Variants in PTPRF observed in about 807,000 individuals in gnomAD.
PTPRF encodes the protein protein tyrosine phosphatase receptor type F.
A neutral mutation model predicts 201.8 loss-of-function variants in PTPRF; 59 were observed. The observed-to-expected ratio is 0.29, with a 90% CI of 0.24 to 0.36. PTPRF has a LOEUF of 0.36. PTPRF is among the 10% of genes least tolerant of loss of function. The pLI is 1.00. For missense variants in PTPRF, 2,132 were observed against 2,690.5 expected (o/e 0.79, Z 4.59); for synonymous variants, 1,088 against 1,089.7 (o/e 1.00, Z 0.03).
intron 27 of PTPRF, 25 bp from the exon 28 acceptor site, chr1:43,619,263 C>T (rs1658612502): frequency 6.2e-7 from 1 of 1,611,282 alleles, no homozygotes; most frequent in East Asian, 2.2e-5. Flanking sequence ...GCGCCTGTGC[C>T]TCAAGCTGAG....
chr1:43,563,732 G>A (rs1456826615), intron 5 of PTPRF, among the ~76,000 whole-genome samples: 1 of 152,206 alleles, frequency 6.6e-6, no homozygotes, highest in African/African-American at 2.4e-5. Flanking sequence ...GCTGAGAAGT[G>A]AGAGGGAGGC....
At chr1:43,551,030 G>T (rs2819338) in intron 3 of PTPRF, among the ~76,000 whole-genome samples, 148,486 of 152,238 alleles carry the variant, frequency 0.98, 72,529 homozygotes, top group Middle Eastern at 1. Flanking sequence ...ACAGGTGTTT[G>T]GAGAGTGATT....
rs373321951 is a variant in PTPRF, at chr1:43,617,054, A to AT, written c.4072-390dup. Among the ~76,000 whole-genome samples, 404 of 152,046 alleles carry AT rather than the reference A, an allele frequency of 2.7e-3. 4 individuals are homozygous for AT. The highest frequency in any genetic ancestry group is 9.5e-3 in the African/African-American group (394 of 41,458). Reference sequence around the variant, plus strand: ...TGTCCTGGCTCATTTCATTAGGTGAATGCAGGGCTTCGGGAGGGACTCTGG... The same window carrying AT: ...TGTCCTGGCTCATTTCATTAGGTGAATTGCAGGGCTTCGGGAGGGACTCTGG... On this transcript the variant is annotated intron_variant, in intron 23 of 33. Transcript: ENST00000359947.
intron 3 of PTPRF, among the ~76,000 whole-genome samples, chr1:43,545,743 A>C (rs74071962): frequency 0.051 from 7,771 of 152,076 alleles, 659 homozygotes; most frequent in African/African-American, 0.18. Flanking sequence ...AGCTCCTCAG[A>C]CCTGGAAATG....
rs763830825 is a variant in PTPRF, at chr1:43,590,968, C to G, written c.950-4C>G. On this transcript the variant is annotated splice_polypyrimidine_tract_variant and splice_region_variant and intron_variant, in intron 8 of 33. Coordinates refer to ENST00000359947, the MANE Select transcript of PTPRF (RefSeq NM_002840.5). ...CAGCTTTGAGCCTTCCACTTTGTCT[C>G]CAGCTCTTCCAAAGCCTCCGATTGA... 2 of 1,601,208 alleles carry G rather than the reference C, an allele frequency of 1.2e-6. No individual in the cohort carries two copies. Among genetic ancestry groups the G allele is most frequent in the Non-Finnish European group, 1.7e-6 (2 of 1,170,094 alleles).
chr1:43,589,702 A>G (rs1422848810), intron 8 of PTPRF, among the ~76,000 whole-genome samples: 9 of 149,868 alleles, frequency 6.0e-5, no homozygotes, highest in Non-Finnish European at 1.2e-4. Context: ...TACGAAAAAA[A>G]AAAAAAAAAA....
upstream of PTPRF, among the ~76,000 whole-genome samples, chr1:43,525,486 G>C (rs889393326): frequency 1.3e-5 from 2 of 152,126 alleles, no homozygotes; most frequent in Non-Finnish European, 2.9e-5. Context: ...TTGGCAAAAT[G>C]GAGGGGAAGA....
upstream of PTPRF, among the ~76,000 whole-genome samples, chr1:43,527,186 C>G (rs1366933390): frequency 6.6e-6 from 1 of 152,174 alleles, no homozygotes; most frequent in African/African-American, 2.4e-5. Flanking sequence ...CACCCTGCAC[C>G]CTGGGGCTGG....
intron 6 of PTPRF, among the ~76,000 whole-genome samples, chr1:43,573,669 G>A (rs1646724130): frequency 6.6e-6 from 1 of 152,228 alleles, no homozygotes; most frequent in Non-Finnish European, 1.5e-5. Flanking sequence ...GCACCTCTTG[G>A]ACACGAATAC....
Position 43,537,358 on chromosome 1 carries a change from T to G in PTPRF, c.-125-840T>G, listed in dbSNP as rs1422219514. On this transcript the variant is annotated intron_variant, in intron 1 of 33. Transcript: ENST00000359947. The surrounding 1 kb of genome is among the most constrained non-coding windows in gnomAD (Gnocchi z 4.8). ...GAGAAAGTCAAAAATAAATATTGCT[T>G]CTGAAGCTTCTTTGAAGACTGGCAT... 6.6e-6 allele frequency among the ~76,000 whole-genome samples: 1 copy of G among 152,228 alleles called. No individual in the cohort carries two copies. Among genetic ancestry groups the G allele is most frequent in the Non-Finnish European group, 1.5e-5 (1 of 68,048 alleles).
intron 13 of PTPRF, among the ~76,000 whole-genome samples, chr1:43,599,296 G>A (rs1205060801): frequency 6.6e-6 from 1 of 152,100 alleles, no homozygotes; most frequent in Admixed American, 6.5e-5. Context: ...GGCTGGTCTC[G>A]AACTCCTGAC....
chr1:43,576,346 A>T (rs548221262), intron 6 of PTPRF, among the ~76,000 whole-genome samples: 2 of 152,166 alleles, frequency 1.3e-5, no homozygotes, highest in Non-Finnish European at 2.9e-5. Flanking sequence ...GGGGACCTCA[A>T]TTATTACTTG....
chr1:43,531,279 A>G (rs1385620774), intron 1 of PTPRF, among the ~76,000 whole-genome samples, 189 bp downstream of exon 1: 2 of 13,734 alleles, frequency 1.5e-4, no homozygotes, highest in Non-Finnish European at 2.8e-4. Flanking sequence ...TCCACGCCCC[A>G]GCCTGGCGGC....
intron 21 of PTPRF, 35 bp downstream of exon 21, chr1:43,607,003 C>A (rs755446644): frequency 1.2e-6 from 2 of 1,607,082 alleles, no homozygotes; most frequent in Non-Finnish European, 1.7e-6. Flanking sequence ...GGAACGGCCA[C>A]CTGCCCCTCG....
At chr1:43,618,491 G>A in intron 25 of PTPRF, 139 bp from the exon 26 acceptor site, 2 of 1,017,854 alleles carry the variant, frequency 2.0e-6, no homozygotes, top group South Asian at 3.4e-5. Context: ...AGGACAGGGG[G>A]CAATGGATCT....
chr1:43,578,229 A>G (rs1647061454), intron 6 of PTPRF, among the ~76,000 whole-genome samples: 1 of 152,056 alleles, frequency 6.6e-6, no homozygotes, highest in Non-Finnish European at 1.5e-5. Context: ...GTGGAGCTGG[A>G]ATGGGTGGGG....
intron 31 of PTPRF, 28 bp from the exon 32 acceptor site, chr1:43,620,810 A>C (rs747752476): frequency 6.3e-7 from 1 of 1,597,878 alleles, no homozygotes; most frequent in East Asian, 2.2e-5. Context: ...CACGAATTCT[A>C]ATCATGTACC....
Position 43,591,371 on chromosome 1 carries a change from A to G in PTPRF, c.1349A>G (p.Tyr450Cys), listed in dbSNP as rs3748796. ...GGCCTGGTGCGGGGATACCGCGTCT[A>G]CTATACTCCGGACTCCCGCCGCCCC... ...PNGLVRGYRV[Y>C]YTPDSRRPPN... is the part of the protein sequence containing the mutation. Residue 450 changes from tyrosine (Y) to cysteine (C), a missense_variant, in exon 9 of 34, where the codon TAC (tyrosine) becomes TGC (cysteine). Tyr to Cys is a radical substitution (Grantham distance 194). Coordinates refer to ENST00000359947, the MANE Select transcript of PTPRF (RefSeq NM_002840.5). The G allele has an allele frequency of 9.5e-4, 1,472 of 1,556,088 alleles. 23 individuals are homozygous for G. The East Asian group carries it at 0.019, about 20-fold the overall frequency.
At chr1:43,528,296 C>T (rs1177493834), upstream of PTPRF, among the ~76,000 whole-genome samples, 1 of 152,200 alleles carries the variant, frequency 6.6e-6, no homozygotes, top group African/African-American at 2.4e-5. Context: ...TCAAGCAATT[C>T]TCCTGCCCCA....
Sources: allele counts gnomAD v4.1 joint callset (sites outside exome capture counted in the v4.1 genomes callset), GRCh38; gene constraint gnomAD v4.1.1; non-coding constraint Gnocchi (gnomAD v3.1); transcripts MANE v1.5; gene names NCBI Gene and HGNC (gene_info 2026-07-23, HGNC 2026-07-21).